Variants in AGAP1 observed in about 807,000 individuals in gnomAD.
AGAP1 encodes the protein ArfGAP with GTPase domain, ankyrin repeat and PH domain 1.
In AGAP1, 29 loss-of-function variants were observed where a neutral mutation model predicts 105.3. The observed-to-expected ratio is 0.28, with a 90% CI of 0.21 to 0.38. The LOEUF (loss-of-function observed/expected upper bound fraction) is 0.38, where lower values mean the gene tolerates loss of function less well. Ranked by LOEUF, AGAP1 falls within the 10% of genes least tolerant of loss-of-function variation. The probability of loss-of-function intolerance (pLI) is 1.00; values close to 1 mark genes in which losing one functional copy is unlikely to be tolerated. For synonymous variants in AGAP1, 509 were observed against 485.9 expected (o/e 1.05, Z -0.63); for missense variants, 998 against 1,165.1 (o/e 0.86, Z 2.09).
At chr2:235,653,189 GGC>G in intron 1 of AGAP1, among the ~76,000 whole-genome samples, 1 of 152,266 alleles carries the variant, frequency 6.6e-6, no homozygotes, top group East Asian at 1.9e-4. Context: ...ATTCCGGCCG[GGC>G]GCAGTGGCTC....
In AGAP1 at chr2:235,989,328, A is replaced by C. The variant is rs1360709948; in HGVS notation, c.1645+20705A>C. Among the ~76,000 whole-genome samples, 1 of 152,190 alleles carries C rather than the reference A, an allele frequency of 6.6e-6. No homozygotes were observed. Among genetic ancestry groups the C allele is most frequent in the African/African-American group, 2.4e-5 (1 of 41,440 alleles). On this transcript the variant is annotated intron_variant, in intron 13 of 17. Transcript: ENST00000304032. This position sits in a 1 kb window ranked among gnomAD's most constrained non-coding sequence, Gnocchi z 4.4. ...CCATCTGGTGACTTTGCAAGCTCAC[A>C]ATGTCCTGAATGAAAACCTAGTTCC...
At chr2:235,903,036 C>T (rs563400441) in intron 10 of AGAP1, among the ~76,000 whole-genome samples, 1 of 152,236 alleles carries the variant, frequency 6.6e-6, no homozygotes, top group Admixed American at 6.5e-5. Flanking sequence ...ACCATCAAAA[C>T]AAATTTCAAC....
chr2:235,527,983 A>G (rs1942905115), intron 1 of AGAP1, among the ~76,000 whole-genome samples: 1 of 152,128 alleles, frequency 6.6e-6, no homozygotes, highest in Non-Finnish European at 1.5e-5. Flanking sequence ...ATAACTAGCC[A>G]CACTTCTTTG....
At chr2:235,671,122 G>T in intron 1 of AGAP1, 4 of 1,237,470 alleles carry the variant, frequency 3.2e-6, no homozygotes, top group Non-Finnish European at 4.0e-6. Flanking sequence ...CGGTTCCGCA[G>T]CGGCTATGGG....
chr2:235,831,855 A>T (rs893517260), intron 9 of AGAP1, among the ~76,000 whole-genome samples: 1 of 152,242 alleles, frequency 6.6e-6, no homozygotes, highest in Non-Finnish European at 1.5e-5. Context: ...ATTGTATGGT[A>T]AGAATGTTTT....
rs1402407780 is a variant in AGAP1, at chr2:235,968,643, C to T, written c.1645+20C>T. 2 of 1,592,644 alleles carry T rather than the reference C, an allele frequency of 1.3e-6. No individual in the cohort carries two copies. Among genetic ancestry groups the T allele is most frequent in the South Asian group, 1.1e-5 (1 of 87,572 alleles). On this transcript the variant is annotated intron_variant, in intron 13 of 17. Transcript: ENST00000304032. The stretch of plus-strand genomic sequence containing the variant: ...CTGAAGGTAAGGGTTCCGCGGTGCC[C>T]CGGGAGAGAGTCTCCACTGCGGAAA...
In AGAP1 at chr2:236,104,966, G is replaced by A. The variant is rs13390058; in HGVS notation, c.2115-15226G>A. On this transcript the variant is annotated intron_variant, in intron 16 of 17. Transcript: ENST00000304032. This position sits in a 1 kb window ranked among gnomAD's most constrained non-coding sequence, Gnocchi z 4.7. ...TACCAGAGCAGAGCTGTGGATGCCC[G>A]TCTAAGCCTGTGCCCATAGCTCTGA... is the stretch of plus-strand genomic sequence containing the variant. 8.5e-5 allele frequency among the ~76,000 whole-genome samples: 13 copies of A among 152,122 alleles called. No individual in the cohort carries two copies. The highest frequency in any genetic ancestry group is 2.7e-4 in the African/African-American group (11 of 41,416).
intron 13 of AGAP1, among the ~76,000 whole-genome samples, chr2:235,995,410 A>G (rs376896445): frequency 3.7e-4 from 57 of 152,210 alleles, no homozygotes; most frequent in African/African-American, 1.3e-3. Context: ...GCTCCTCGGG[A>G]GGCTGAAGCA....
Position 236,113,185 on chromosome 2 carries a change from G to T in AGAP1, c.2115-7007G>T, listed in dbSNP as rs1482082797. 6.6e-6 allele frequency among the ~76,000 whole-genome samples: 1 copy of T among 152,210 alleles called. No homozygotes were observed. Among genetic ancestry groups the T allele is most frequent in the African/African-American group, 2.4e-5 (1 of 41,462 alleles). On this transcript the variant is annotated intron_variant, in intron 16 of 17. Coordinates refer to ENST00000304032, the MANE Select transcript of AGAP1 (RefSeq NM_001037131.3). This position sits in a 1 kb window ranked among gnomAD's most constrained non-coding sequence, Gnocchi z 4.3. ...AGACGGAGTCTCGCTCTTTTGCCCA[G>T]GCTGGAGTGCAGTGGTGCAATCTCA...
At chr2:235,671,045 T>TC in intron 1 of AGAP1, 1 of 1,283,632 alleles carries the variant, frequency 7.8e-7, no homozygotes, top group Non-Finnish European at 9.8e-7. Context: ...CATCGACGGC[T>TC]CCCCGCGCAG....
At chr2:235,697,565 C>T (rs114242393) in intron 1 of AGAP1, among the ~76,000 whole-genome samples, 4,824 of 152,270 alleles carry the variant, frequency 0.032, 271 homozygotes, top group African/African-American at 0.11. Flanking sequence ...GTGCTCCCTT[C>T]ACCTTGCCCC....
chr2:235,717,686 T>G, intron 3 of AGAP1, 42 bp downstream of exon 3: 1 of 1,527,750 alleles, frequency 6.5e-7, no homozygotes, highest in Middle Eastern at 1.7e-4. Context: ...AGAATGTAGT[T>G]TTTTAAAATT....
chr2:235,685,932 C>T (rs1409725891), intron 1 of AGAP1, among the ~76,000 whole-genome samples: 5 of 152,110 alleles, frequency 3.3e-5, no homozygotes, highest in African/African-American at 9.7e-5. Flanking sequence ...TCCAGAAAGG[C>T]AGGACCACTC....
intron 1 of AGAP1, among the ~76,000 whole-genome samples, chr2:235,562,700 T>A (rs1458282417): frequency 6.6e-6 from 1 of 152,172 alleles, no homozygotes; most frequent in Admixed American, 6.5e-5. Flanking sequence ...CAGTCCTGGC[T>A]CCGGTCCTCT....
intron 1 of AGAP1, among the ~76,000 whole-genome samples, chr2:235,606,761 C>A (rs964499944): frequency 1.3e-5 from 2 of 151,942 alleles, no homozygotes; most frequent in Non-Finnish European, 2.9e-5. Flanking sequence ...CCAGTGTGGC[C>A]AACATGGTGA....
intron 1 of AGAP1, among the ~76,000 whole-genome samples, chr2:235,510,060 C>A (rs751576338): frequency 6.6e-6 from 1 of 152,232 alleles, no homozygotes; most frequent in African/African-American, 2.4e-5. Context: ...CTGTCCCCCC[C>A]AGCTGGGACC....
rs796623471 is a variant in AGAP1 at position 235,962,041 on chromosome 2, TTTTTGGTTTTGTTTTGTTTTGTTTTG to T, written c.1484-6415_1484-6390del. 1.6e-3 allele frequency among the ~76,000 whole-genome samples: 233 copies of T among 148,650 alleles called. No homozygotes were observed. Among genetic ancestry groups the T allele is most frequent in the African/African-American group, 5.7e-3 (221 of 38,718 alleles). On this transcript the variant is annotated intron_variant, in intron 12 of 17. Coordinates refer to ENST00000304032, the MANE Select transcript of AGAP1 (RefSeq NM_001037131.3). The surrounding 1 kb of genome is among the most constrained non-coding windows in gnomAD (Gnocchi z 5.3). ...GTCCTCTTCTGATGGATGCTTTTGG[TTTTTGGTTTTGTTTTGTTTTGTTTTG>T]TTTTGTTTTGTTTTGTTTCAGTGAA...
chr2:235,939,416 G>A (rs148671636), intron 12 of AGAP1, among the ~76,000 whole-genome samples: 11 of 152,086 alleles, frequency 7.2e-5, no homozygotes, highest in East Asian at 5.8e-4. Flanking sequence ...CTCTGCTTCC[G>A]CGGACACCCT....
chr2:236,025,340 T>G (rs986408115), intron 13 of AGAP1, among the ~76,000 whole-genome samples: 6 of 152,142 alleles, frequency 3.9e-5, no homozygotes, highest in Admixed American at 6.5e-5. Context: ...TGCCAATTAC[T>G]GTTTTGATCA....
Sources: allele counts gnomAD v4.1 joint callset (sites outside exome capture counted in the v4.1 genomes callset), GRCh38; gene constraint gnomAD v4.1.1; non-coding constraint Gnocchi (gnomAD v3.1); transcripts MANE v1.5; gene names NCBI Gene and HGNC (gene_info 2026-07-23, HGNC 2026-07-21).